The following VTI1A variants were observed in gnomAD, a reference collection of about 807,000 sequenced individuals.
The protein encoded by VTI1A is vesicle transport through interaction with t-SNAREs 1A, also known as vesicle transport through interaction with t-SNAREs homolog 1A.
A neutral mutation model predicts 34.9 loss-of-function variants in VTI1A; 22 were observed. That is an observed-to-expected ratio of 0.63 (90% confidence interval 0.45 to 0.90). The LOEUF (loss-of-function observed/expected upper bound fraction) is 0.90. VTI1A is among the 40% of genes least tolerant of loss of function. VTI1A has a pLI of 0.00. For synonymous variants in VTI1A, 87 were observed against 97.3 expected (o/e 0.89, Z 0.62); for missense variants, 268 against 275.6 (o/e 0.97, Z 0.20).
At chr10:112,603,574 A>C (rs980609525) in intron 5 of VTI1A, among the ~76,000 whole-genome samples, 3 of 152,138 alleles carry the variant, frequency 2.0e-5, no homozygotes, top group African/African-American at 4.8e-5. Flanking sequence ...ATAGGAACTA[A>C]ATACTGTTTT....
chr10:112,660,680 T>C (rs1834707093), intron 5 of VTI1A, among the ~76,000 whole-genome samples: 1 of 152,206 alleles, frequency 6.6e-6, no homozygotes, highest in African/African-American at 2.4e-5. Context: ...AACTAAAGTC[T>C]TATTTTATTT....
chr10:112,518,069 T>G (rs773229868), intron 3 of VTI1A, among the ~76,000 whole-genome samples: 1 of 152,100 alleles, frequency 6.6e-6, no homozygotes, highest in Non-Finnish European at 1.5e-5. Context: ...ATTTCATTTA[T>G]AAAACATGGC....
At chr10:112,672,988 C>T (rs898229216) in intron 7 of VTI1A, among the ~76,000 whole-genome samples, 19 of 152,030 alleles carry the variant, frequency 1.2e-4, no homozygotes, top group South Asian at 8.3e-4. Context: ...TTGGCTCCTC[C>T]GCTGCATTGT....
intron 7 of VTI1A, among the ~76,000 whole-genome samples, chr10:112,785,502 T>A (rs531502211): frequency 1.3e-4 from 20 of 152,358 alleles, no homozygotes; most frequent in African/African-American, 4.6e-4. Flanking sequence ...AAGCAAAAGC[T>A]GTTAATTTTG....
chr10:112,566,520 C>T (rs1851908454), intron 5 of VTI1A, among the ~76,000 whole-genome samples: 1 of 152,092 alleles, frequency 6.6e-6, no homozygotes, highest in African/African-American at 2.4e-5. Flanking sequence ...CTAGAAACTG[C>T]TCTGGGACTA....
At chr10:112,627,107 G>A (rs1457105367) in intron 5 of VTI1A, among the ~76,000 whole-genome samples, 1 of 152,152 alleles carries the variant, frequency 6.6e-6, no homozygotes, top group African/African-American at 2.4e-5. Flanking sequence ...CTCAAGATGA[G>A]CTCTTAAATG....
At chr10:112,606,029 C>CA (rs557429454) in intron 5 of VTI1A, among the ~76,000 whole-genome samples, 6 of 139,124 alleles carry the variant, frequency 4.3e-5, no homozygotes, top group Admixed American at 1.4e-4. Context: ...TTCTTTTTTT[C>CA]TTTTTTTTTT....
rs142060981 is a variant in VTI1A at position 112,644,304 on chromosome 10, G to A, written c.428-23914G>A. Among the ~76,000 whole-genome samples, 1,029 of 152,284 alleles carry A rather than the reference G, an allele frequency of 6.8e-3. 17 individuals are homozygous for A. The highest frequency in any genetic ancestry group is 0.024 in the African/African-American group (979 of 41,566). On this transcript the variant is annotated intron_variant, in intron 5 of 7. Coordinates refer to ENST00000393077, the MANE Select transcript of VTI1A (RefSeq NM_145206.4). ...GGATTTGAAGGAATTTGACAATTTTGTTGTAGTTCCTAGCCTGGCAGGTGG... is the reference window on the plus strand; with the variant it reads ...GGATTTGAAGGAATTTGACAATTTTATTGTAGTTCCTAGCCTGGCAGGTGG...
the VTI1A span, chr10:112,825,327 C>T: frequency 6.6e-6 from 1 of 152,384 alleles, no homozygotes; most frequent in African/African-American, 2.4e-5. Flanking sequence ...CAGGCACACC[C>T]TGTGGGGGAG....
rs559198438 is a variant in VTI1A at position 112,818,389 on chromosome 10, A to C, written c.*3006A>C. ...GCATCCAGAGATTATCAACCCATAG[A>C]AGAAGGGAGGGGAAAAAAAAGAAAG... On this transcript the variant is annotated 3_prime_UTR_variant, in exon 8 of 8. Transcript: ENST00000393077. The C allele has an allele frequency of 5.6e-5, 13 of 232,708 alleles. No individual in the cohort carries two copies. Among genetic ancestry groups the C allele is most frequent in the African/African-American group, 2.9e-4 (13 of 45,420 alleles). The allele number at this position is 232,708 out of a possible 1,614,324, so 14.4% of individuals were successfully genotyped here. A position where few individuals can be genotyped will look rare whatever the true frequency, so the allele number is the denominator to read the frequency against.
At chr10:112,795,746 CTCTTA>C (rs1201742108) in intron 7 of VTI1A, among the ~76,000 whole-genome samples, 1 of 152,018 alleles carries the variant, frequency 6.6e-6, no homozygotes, top group Non-Finnish European at 1.5e-5. Flanking sequence ...CCCTCTTACT[CTCTTA>C]TAACACTGTG....
chr10:112,475,895 G>A (rs569730867), intron 3 of VTI1A, among the ~76,000 whole-genome samples: 6 of 152,260 alleles, frequency 3.9e-5, no homozygotes, highest in African/African-American at 1.4e-4. Flanking sequence ...TATTTCTGAT[G>A]GGATTTGCAT....
intron 7 of VTI1A, among the ~76,000 whole-genome samples, chr10:112,787,513 A>G (rs753311595): frequency 1.8e-4 from 28 of 152,068 alleles, no homozygotes; most frequent in Admixed American, 7.9e-4. Context: ...AACTAGGCAG[A>G]TAAATTTCTC....
At chr10:112,747,877 C>T (rs1168309364) in intron 7 of VTI1A, among the ~76,000 whole-genome samples, 1 of 152,140 alleles carries the variant, frequency 6.6e-6, no homozygotes, top group Non-Finnish European at 1.5e-5. Context: ...TTGAAGTTTC[C>T]AGGGTTGGCA....
intron 1 of VTI1A, among the ~76,000 whole-genome samples, chr10:112,454,037 G>A (rs1468048085): frequency 6.6e-6 from 1 of 152,114 alleles, no homozygotes; most frequent in African/African-American, 2.4e-5. Context: ...TTCTGTAATT[G>A]CTTTATTTCA....
intron 3 of VTI1A, among the ~76,000 whole-genome samples, chr10:112,472,676 A>G (rs1848134420): frequency 6.6e-6 from 1 of 151,698 alleles, no homozygotes; most frequent in African/African-American, 2.4e-5. Flanking sequence ...TTCCTGGGAT[A>G]TTTTACTTCT....
intron 5 of VTI1A, among the ~76,000 whole-genome samples, chr10:112,641,956 T>G (rs1423809340): frequency 6.6e-6 from 1 of 152,200 alleles, no homozygotes; most frequent in Admixed American, 6.5e-5. Flanking sequence ...GAAATTGAAC[T>G]GATCGCACCG....
At chr10:112,787,698 CTTTT>C (rs34862909) in intron 7 of VTI1A, among the ~76,000 whole-genome samples, 2 of 103,242 alleles carry the variant, frequency 1.9e-5, no homozygotes, top group East Asian at 5.7e-4. Context: ...TTTTTCTTTT[CTTTT>C]TTTTTTTTTT....
intron 7 of VTI1A, among the ~76,000 whole-genome samples, chr10:112,748,620 C>T (rs1361703934): frequency 6.7e-5 from 7 of 104,930 alleles, no homozygotes; most frequent in South Asian, 3.3e-4. Context: ...ATTTAGAAAC[C>T]TTTTTTTTTT....
Sources: allele counts gnomAD v4.1 joint callset (sites outside exome capture counted in the v4.1 genomes callset), GRCh38; gene constraint gnomAD v4.1.1; transcripts MANE v1.5; gene names NCBI Gene and HGNC (gene_info 2026-07-23, HGNC 2026-07-21).